The following NRXN3 variants were observed in gnomAD, a reference collection of about 807,000 sequenced individuals.
NRXN3 encodes the protein neurexin 3, also known as neurexin III.
NRXN3 carries 32 observed loss-of-function variants against 137.6 expected under a neutral mutation model. The observed-to-expected ratio is 0.23, with a 90% CI of 0.18 to 0.31. The LOEUF (loss-of-function observed/expected upper bound fraction) is 0.31, where lower values mean the gene tolerates loss of function less well. Ranked by LOEUF, NRXN3 falls within the 10% of genes least tolerant of loss-of-function variation. The pLI, the probability that NRXN3 is intolerant of heterozygous loss-of-function variation, is 1.00. For synonymous variants in NRXN3, 798 were observed against 784.5 expected, an observed-to-expected ratio of 1.02 and a Z score of -0.29; for missense variants, 1,574 against 2,062.5, an observed-to-expected ratio of 0.76 and a Z score of 4.59.
chr14:78,261,986 G>T (rs953787275), intron 2 of NRXN3, among the ~76,000 whole-genome samples: 5 of 152,180 alleles, frequency 3.3e-5, no homozygotes, highest in African/African-American at 1.2e-4. Flanking sequence ...AAACCAATAA[G>T]TGTGTAATTA....
At chr14:78,754,492 A>G (rs75879345) in intron 8 of NRXN3, among the ~76,000 whole-genome samples, 2 of 152,220 alleles carry the variant, frequency 1.3e-5, no homozygotes, top group African/African-American at 4.8e-5. Flanking sequence ...TTTCTCAAAC[A>G]CAAATGCAGA....
chr14:78,959,582 A>T (rs1422007580), intron 11 of NRXN3, among the ~76,000 whole-genome samples: 1 of 152,184 alleles, frequency 6.6e-6, no homozygotes, highest in Non-Finnish European at 1.5e-5. Context: ...CAGAACCACC[A>T]CAACAATTAC....
intron 4 of NRXN3, among the ~76,000 whole-genome samples, chr14:78,325,184 G>A (rs755453874): frequency 3.3e-5 from 5 of 152,018 alleles, no homozygotes; most frequent in African/African-American, 4.8e-5. Flanking sequence ...GTCCAAGGCC[G>A]TCCAAGGATT....
At chr14:78,228,023 C>A (rs1205447346) in intron 1 of NRXN3, among the ~76,000 whole-genome samples, 1 of 152,134 alleles carries the variant, frequency 6.6e-6, no homozygotes, top group Non-Finnish European at 1.5e-5. Context: ...AGCTTAGTGT[C>A]CAGGGCTGGG....
intron 15 of NRXN3, among the ~76,000 whole-genome samples, chr14:79,148,861 T>C (rs770401018): frequency 4.6e-5 from 7 of 152,200 alleles, no homozygotes; most frequent in Non-Finnish European, 8.8e-5. Flanking sequence ...AGTGTTTTTT[T>C]CCCATGCCTT....
At chr14:79,233,859 T>C (rs1342435070) in intron 15 of NRXN3, among the ~76,000 whole-genome samples, 1 of 152,126 alleles carries the variant, frequency 6.6e-6, no homozygotes, top group African/African-American at 2.4e-5. Flanking sequence ...ATTTGTTTGG[T>C]TTTGTATTTT....
intron 15 of NRXN3, among the ~76,000 whole-genome samples, chr14:79,214,155 A>C (rs2153227736): frequency 6.6e-6 from 1 of 152,328 alleles, no homozygotes; most frequent in Non-Finnish European, 1.5e-5. Flanking sequence ...AAAGTAATGC[A>C]TGCATTGCCC....
At position 79,585,703 on chromosome 14, in the gene NRXN3, AAAAAAC is replaced by A. The variant is rs1486596279; in HGVS notation, c.3445-78074_3445-78069del. On this transcript the variant is annotated intron_variant, in intron 16 of 20. Transcript: ENST00000335750. ...CATCTTAAAAAAAAAACAAAAAAAA[AAAAAAC>A]CAACTTTGATAAATAAAATATAACT... Among the ~76,000 whole-genome samples the A allele has an allele frequency of 1.7e-4, 25 of 150,030 alleles. 1 individual carries two copies. Among genetic ancestry groups the A allele is most frequent in the African/African-American group, 5.6e-4 (23 of 40,910 alleles).
At chr14:78,781,289 TAGAA>T (rs1245960979) in intron 8 of NRXN3, among the ~76,000 whole-genome samples, 4 of 152,224 alleles carry the variant, frequency 2.6e-5, no homozygotes, top group African/African-American at 9.6e-5. Context: ...ATGTCCCTTT[TAGAA>T]AGAAGAAAGT....
chr14:78,949,229 G>A (rs180873546), intron 10 of NRXN3, among the ~76,000 whole-genome samples: 414 of 152,044 alleles, frequency 2.7e-3, no homozygotes, highest in Non-Finnish European at 3.8e-3. Flanking sequence ...AGTTCCTTCT[G>A]CTCCTCTTCC....
At chr14:79,417,970 A>G (rs900996052) in intron 15 of NRXN3, among the ~76,000 whole-genome samples, 1 of 152,078 alleles carries the variant, frequency 6.6e-6, no homozygotes, top group Non-Finnish European at 1.5e-5. Flanking sequence ...ATGGAAAAAA[A>G]AAAAGAAGAA....
At chr14:78,809,723 G>C (rs1278981068) in intron 9 of NRXN3, among the ~76,000 whole-genome samples, 1 of 152,212 alleles carries the variant, frequency 6.6e-6, no homozygotes, top group Admixed American at 6.5e-5. Context: ...CCTAAGGAGA[G>C]GGTGGAGGGA....
intron 4 of NRXN3, among the ~76,000 whole-genome samples, chr14:78,555,864 GGTTAA>G (rs933575625): frequency 3.3e-5 from 5 of 152,148 alleles, no homozygotes; most frequent in African/African-American, 9.7e-5. Flanking sequence ...AAACAGAAGA[GGTTAA>G]GTTACCTCTT....
intron 15 of NRXN3, among the ~76,000 whole-genome samples, chr14:79,223,380 G>T (rs1389921160): frequency 6.6e-6 from 1 of 152,088 alleles, no homozygotes; most frequent in African/African-American, 2.4e-5. Context: ...TGAAGTACAG[G>T]TTCCTGCTAG....
intron 15 of NRXN3, among the ~76,000 whole-genome samples, chr14:79,172,752 A>G (rs8015611): frequency 0.62 from 93,675 of 152,060 alleles, 30,163 homozygotes; most frequent in South Asian, 0.74. Context: ...GGAAGAATAA[A>G]TATCTGAGGA....
chr14:79,254,883 T>C (rs1237795870), intron 15 of NRXN3, among the ~76,000 whole-genome samples: 2 of 145,806 alleles, frequency 1.4e-5, no homozygotes, highest in African/African-American at 5.0e-5. Context: ...CCTCCAACTC[T>C]TCCTCCCTCC....
In NRXN3 at chr14:79,644,721, T is replaced by C. The variant is rs1246406139; in HGVS notation, c.3445-19057T>C. On this transcript the variant is annotated intron_variant, in intron 16 of 20. Coordinates refer to ENST00000335750, the MANE Select transcript of NRXN3 (RefSeq NM_001330195.2). ...AAAGCTAAAGGAAGAAACAGCCGTG[T>C]ACATTTTAAATCAAGTCAATAATTA... Among the ~76,000 whole-genome samples the C allele has an allele frequency of 4.4e-5, 6 of 136,090 alleles. 1 individual carries two copies. The highest frequency in any genetic ancestry group is 7.8e-5 in the Admixed American group (1 of 12,874). 89.3% of individuals were successfully genotyped at this position (136,090 alleles called of 152,430 possible).
In NRXN3 at chr14:78,716,625, GT is replaced by G. The variant is rs527914404; in HGVS notation, c.2044+1487del. 1.8e-3 allele frequency among the ~76,000 whole-genome samples: 267 copies of G among 152,296 alleles called. 2 individuals carry two copies. Among genetic ancestry groups the G allele is most frequent in the Non-Finnish European group, 3.0e-3 (201 of 68,012 alleles). ...TGGCCAGTGGCCTATCAGAAGATAG[GT>G]GATGTGGATGGATCCTGGGCCAGGT... On this transcript the variant is annotated intron_variant, in intron 8 of 20. Coordinates refer to ENST00000335750, the MANE Select transcript of NRXN3 (RefSeq NM_001330195.2).
chr14:79,228,008 CA>C (rs767921022), intron 15 of NRXN3, among the ~76,000 whole-genome samples: 6 of 152,144 alleles, frequency 3.9e-5, no homozygotes, highest in Admixed American at 6.6e-5. Flanking sequence ...TAGGTCAAAG[CA>C]AACAGGATAC....
Sources: allele counts gnomAD v4.1 joint callset (sites outside exome capture counted in the v4.1 genomes callset), GRCh38; gene constraint gnomAD v4.1.1; transcripts MANE v1.5; gene names NCBI Gene and HGNC (gene_info 2026-07-23, HGNC 2026-07-21).